RORA: variants seen among roughly 807,000 people sequenced by gnomAD.
The protein encoded by RORA is RAR related orphan receptor A.
RORA carries 7 observed loss-of-function variants against 69.5 expected under a neutral mutation model. The ratio of observed to expected loss-of-function variants is 0.10; its 90% confidence interval spans 0.06 to 0.19. The LOEUF (loss-of-function observed/expected upper bound fraction) is 0.19. RORA is among the 10% of genes least tolerant of loss of function. The pLI, the probability that RORA is intolerant of heterozygous loss-of-function variation, is 1.00. For synonymous variants in RORA, 261 were observed against 240.8 expected (o/e 1.08, Z -0.78); for missense variants, 457 against 663.0 (o/e 0.69, Z 3.41).
rs1443964533 is a variant in RORA at position 60,492,247 on chromosome 15, C to A, written c.*5208G>T. On this transcript the variant is annotated 3_prime_UTR_variant, in exon 11 of 11. Coordinates refer to ENST00000335670, the MANE Select transcript of RORA (RefSeq NM_134261.3). ...GTGGAAGAATCAGAGCCAACAATTA[C>A]ATTGAACTTCTCTGACTTTATGGAA... The A allele has an allele frequency of 6.6e-6, 1 of 152,164 alleles. No homozygotes were observed. The highest frequency in any genetic ancestry group is 1.5e-5 in the Non-Finnish European group (1 of 68,000). The allele number at this position is 152,164 out of a possible 1,614,324, so 9.4% of individuals were successfully genotyped here.
chr15:61,151,169 G>A (rs967671572), intron 1 of RORA, among the ~76,000 whole-genome samples: 1 of 152,132 alleles, frequency 6.6e-6, no homozygotes, highest in Non-Finnish European at 1.5e-5. Flanking sequence ...TAGTACATGA[G>A]ATGAAAGCTT....
chr15:60,965,288 C>T (rs1391183612), intron 1 of RORA, among the ~76,000 whole-genome samples: 5 of 152,158 alleles, frequency 3.3e-5, no homozygotes, highest in Admixed American at 6.5e-5. Context: ...TTTCAATACC[C>T]TGTCATAGAG....
chr15:60,556,140 A>G (rs996845543), intron 2 of RORA, among the ~76,000 whole-genome samples: 2 of 151,956 alleles, frequency 1.3e-5, no homozygotes, highest in African/African-American at 4.8e-5. Flanking sequence ...CTCTCTGTAA[A>G]TGCAAAAGCT....
At position 60,595,962 on chromosome 15, in the gene RORA, C is replaced by T. The variant is rs547754139; in HGVS notation, c.197-64111G>A. On this transcript the variant is annotated intron_variant, in intron 2 of 10. Transcript: ENST00000335670. The stretch of plus-strand genomic sequence containing the variant: ...AGAAAGTAGAGAGACACTTCTAATG[C>T]CAAGTTGTTCCCAAAAACACCTAGG... Among the ~76,000 whole-genome samples the T allele has an allele frequency of 2.0e-5, 3 of 152,294 alleles. No individual in the cohort carries two copies. In the East Asian group the frequency reaches 5.8e-4, roughly 29 times the overall value.
intron 1 of RORA, among the ~76,000 whole-genome samples, chr15:60,845,264 C>T (rs1375637036): frequency 4.6e-5 from 7 of 152,158 alleles, no homozygotes; most frequent in Non-Finnish European, 7.3e-5. Context: ...ATTGATTTAT[C>T]GGTGTGTGTC....
At chr15:60,815,811 A>G (rs1595736481) in intron 1 of RORA, among the ~76,000 whole-genome samples, 2 of 150,820 alleles carry the variant, frequency 1.3e-5, no homozygotes, top group African/African-American at 4.9e-5. Context: ...AAAAAATTTT[A>G]TATTTCATTG....
intron 3 of RORA, chr15:60,520,105 T>A (rs1463050757): frequency 1.3e-5 from 2 of 152,120 alleles, no homozygotes; most frequent in African/African-American, 4.8e-5. Context: ...ACAGCATCAT[T>A]TATACCTCAA....
At chr15:61,120,002 T>G (rs1296617244) in intron 1 of RORA, among the ~76,000 whole-genome samples, 1 of 152,018 alleles carries the variant, frequency 6.6e-6, no homozygotes, top group Non-Finnish European at 1.5e-5. Flanking sequence ...AAGGAGAACA[T>G]GAGTGCACAG....
chr15:60,653,941 T>C (rs1188784461), intron 2 of RORA, among the ~76,000 whole-genome samples: 1 of 152,190 alleles, frequency 6.6e-6, no homozygotes, highest in Non-Finnish European at 1.5e-5. Flanking sequence ...CAAACAGCTT[T>C]AGGGTCAATT....
intron 2 of RORA, among the ~76,000 whole-genome samples, chr15:60,608,806 A>G (rs2069013414): frequency 6.6e-6 from 1 of 152,268 alleles, no homozygotes; most frequent in South Asian, 2.1e-4. Flanking sequence ...TGTCACCAAT[A>G]AATCACCAAA....
intron 1 of RORA, among the ~76,000 whole-genome samples, chr15:60,743,059 G>A (rs2071596778): frequency 7.4e-6 from 1 of 135,230 alleles, no homozygotes; most frequent in South Asian, 2.3e-4. Context: ...TTGTCACCCA[G>A]GCTGGAGTAC....
intron 1 of RORA, among the ~76,000 whole-genome samples, chr15:60,778,310 T>C (rs2072204067): frequency 1.3e-5 from 2 of 151,878 alleles, no homozygotes; most frequent in Non-Finnish European, 2.9e-5. Flanking sequence ...ATTTTTTTTT[T>C]CCCATGCAAA....
intron 1 of RORA, among the ~76,000 whole-genome samples, chr15:60,932,639 G>A (rs908943972): frequency 3.3e-5 from 5 of 152,118 alleles, no homozygotes; most frequent in African/African-American, 1.2e-4. Flanking sequence ...GCGATTTGGC[G>A]GGGTGGGTAA....
At chr15:61,014,258 A>G (rs8040930) in intron 1 of RORA, among the ~76,000 whole-genome samples, 16,366 of 152,214 alleles carry the variant, frequency 0.11, 1,321 homozygotes, top group East Asian at 0.24. Context: ...CAGCTTTGAG[A>G]GTTACTGTTG....
chr15:60,714,715 T>G (rs887675751), intron 1 of RORA, among the ~76,000 whole-genome samples: 1 of 152,240 alleles, frequency 6.6e-6, no homozygotes, highest in African/African-American at 2.4e-5. Context: ...AAATTTGTGT[T>G]TAAGGGGGAT....
At chr15:60,946,928 T>A (rs1595837407) in intron 1 of RORA, among the ~76,000 whole-genome samples, 1 of 151,828 alleles carries the variant, frequency 6.6e-6, no homozygotes, top group Admixed American at 6.5e-5. Flanking sequence ...CGACCCCGTC[T>A]GGGAGGTGAG....
At chr15:60,588,081 G>A (rs1165967558) in intron 2 of RORA, among the ~76,000 whole-genome samples, 2 of 152,164 alleles carry the variant, frequency 1.3e-5, no homozygotes, top group South Asian at 4.2e-4. Context: ...GACAGAACTT[G>A]TAAATCATTC....
chr15:60,664,082 A>G (rs943819366), intron 2 of RORA, among the ~76,000 whole-genome samples: 2 of 152,214 alleles, frequency 1.3e-5, no homozygotes, highest in Non-Finnish European at 2.9e-5. Flanking sequence ...CAATAAAAAC[A>G]TATTCTCCTA....
intron 2 of RORA, among the ~76,000 whole-genome samples, chr15:60,655,173 A>T (rs1451758907): frequency 1.3e-5 from 2 of 151,962 alleles, no homozygotes; most frequent in East Asian, 3.9e-4. Flanking sequence ...TTAAATTTTT[A>T]TTTATTTATT....
Sources: allele counts gnomAD v4.1 joint callset (sites outside exome capture counted in the v4.1 genomes callset), GRCh38; gene constraint gnomAD v4.1.1; transcripts MANE v1.5; gene names NCBI Gene and HGNC (gene_info 2026-07-23, HGNC 2026-07-21).